LAMA3: variants seen among roughly 807,000 people sequenced by gnomAD.
The protein encoded by LAMA3 is laminin subunit alpha-3.
Under a neutral mutation model 402.0 loss-of-function variants are expected in LAMA3, and 281 were observed. The observed-to-expected ratio is 0.70, with a 90% CI of 0.63 to 0.77. The LOEUF (loss-of-function observed/expected upper bound fraction) is 0.77, where lower values mean the gene tolerates loss of function less well. Among genes scored for constraint, LAMA3 ranks in the 30% least tolerant of loss-of-function variants. LAMA3 has a pLI of 0.00. For missense variants in LAMA3, 3,840 were observed against 4,215.5 expected, an observed-to-expected ratio of 0.91 and a Z score of 2.47; for synonymous variants, 1,431 against 1,558.4, an observed-to-expected ratio of 0.92 and a Z score of 1.93.
chr18:23,899,219 T>C, intron 46 of LAMA3, 69 bp from the exon 47 acceptor site: 1 of 1,214,754 alleles, frequency 8.2e-7, no homozygotes, highest in Non-Finnish European at 1.2e-6. Flanking sequence ...GTTTCTACCT[T>C]TTTTTTTTTT....
intron 19 of LAMA3, among the ~76,000 whole-genome samples, chr18:23,820,217 G>A (rs546933427): frequency 6.6e-6 from 1 of 152,268 alleles, no homozygotes; most frequent in Non-Finnish European, 1.5e-5. Flanking sequence ...ATAGTTCATT[G>A]TTACTTTAAT....
At chr18:23,809,059 T>C (rs905423653) in intron 12 of LAMA3, among the ~76,000 whole-genome samples, 1 of 152,158 alleles carries the variant, frequency 6.6e-6, no homozygotes, top group African/African-American at 2.4e-5. Context: ...TGTGGGAAAG[T>C]GTAAAGAGCA....
At chr18:23,806,149 C>T (rs2062957929) in intron 12 of LAMA3, among the ~76,000 whole-genome samples, 1 of 152,152 alleles carries the variant, frequency 6.6e-6, no homozygotes, top group African/African-American at 2.4e-5. Context: ...TTATGGTAAC[C>T]ACACCCGCCT....
intron 2 of LAMA3, among the ~76,000 whole-genome samples, chr18:23,738,307 A>G (rs1437373253): frequency 6.6e-6 from 1 of 151,896 alleles, no homozygotes; most frequent in Non-Finnish European, 1.5e-5. Flanking sequence ...AAGGCAGGGA[A>G]GTGCAATCTA....
chr18:23,708,714 CT>C (rs1470515749), intron 1 of LAMA3, among the ~76,000 whole-genome samples: 1 of 152,020 alleles, frequency 6.6e-6, no homozygotes, highest in Non-Finnish European at 1.5e-5. Flanking sequence ...CTAAAATTCT[CT>C]TTAGCAGATA....
intron 36 of LAMA3, among the ~76,000 whole-genome samples, chr18:23,865,448 T>A (rs559439339): frequency 1.2e-4 from 18 of 152,218 alleles, no homozygotes; most frequent in Non-Finnish European, 2.2e-4. Flanking sequence ...ATATTAAGCA[T>A]TTTTTATGTT....
rs1324819685 is a variant in LAMA3, at chr18:23,879,752, C to T, written c.5113-2184C>T. 6.6e-6 allele frequency among the ~76,000 whole-genome samples: 1 copy of T among 152,214 alleles called. No individual in the cohort carries two copies. The highest frequency in any genetic ancestry group is 1.5e-5 in the Non-Finnish European group (1 of 68,030). Reference sequence around the variant, plus strand: ...GGACAGTTTCCAGGGTGGCCACTCTCAACTGACAGTGAAGGGTTTCTCACA... The same window carrying T: ...GGACAGTTTCCAGGGTGGCCACTCTTAACTGACAGTGAAGGGTTTCTCACA... On this transcript the variant is annotated intron_variant, in intron 39 of 74. Transcript: ENST00000313654. This position sits in a 1 kb window ranked among gnomAD's most constrained non-coding sequence, Gnocchi z 4.2.
chr18:23,750,890 C>T (rs764419372), intron 4 of LAMA3, 28 bp from the exon 5 acceptor site: 2 of 1,613,340 alleles, frequency 1.2e-6, no homozygotes, highest in African/African-American at 1.3e-5. Flanking sequence ...GAACTTTTTC[C>T]CCCTTTATGT....
intron 2 of LAMA3, among the ~76,000 whole-genome samples, chr18:23,722,890 A>G (rs969889625): frequency 6.6e-6 from 1 of 152,122 alleles, no homozygotes; most frequent in Non-Finnish European, 1.5e-5. Flanking sequence ...ACTTCCCAGG[A>G]TTAAGGCCAT....
chr18:23,903,096 G>T lies in LAMA3; in HGVS notation c.6289G>T (p.Ala2097Ser). ...CTCATCTTTGTTGCAAACCAACATT[G>T]CGCTGCAGCTGATGGAGAAAAGCCA... ...ADSSLLQTNI[A>S]LQLMEKSQKE... Residue 2097 changes from alanine (A) to serine (S), a missense_variant, in exon 49 of 75, where the codon GCG becomes TCG. Around this residue, in one of 3 missense-constraint regions of LAMA3, gnomAD observed 891 missense variants for 857.5 expected, o/e 1.04. Transcript: ENST00000313654. 1 of 1,611,430 alleles carries T rather than the reference G, an allele frequency of 6.2e-7. No individual in the cohort carries two copies. Among genetic ancestry groups the T allele is most frequent in the Non-Finnish European group, 8.5e-7 (1 of 1,177,666 alleles).
intron 1 of LAMA3, among the ~76,000 whole-genome samples, chr18:23,712,147 G>A (rs1050494873): frequency 2.6e-5 from 4 of 152,110 alleles, no homozygotes; most frequent in South Asian, 4.1e-4. Context: ...TTGGGAGGCC[G>A]AGGCAGGCGG....
At chr18:23,868,055 G>A in intron 37 of LAMA3, 138 bp downstream of exon 37, 2 of 745,702 alleles carry the variant, frequency 2.7e-6, no homozygotes, top group Non-Finnish European at 4.4e-6. Flanking sequence ...TACAGGTTGA[G>A]CATCCTTAAT....
intron 35 of LAMA3, among the ~76,000 whole-genome samples, 196 bp downstream of exon 35, chr18:23,862,003 C>T (rs2064236094): frequency 6.6e-6 from 1 of 152,212 alleles, no homozygotes; most frequent in South Asian, 2.1e-4. Context: ...CTGCGCCCCA[C>T]CATTGCCATG....
intron 2 of LAMA3, among the ~76,000 whole-genome samples, chr18:23,721,475 G>A (rs1242885501): frequency 1.3e-5 from 2 of 152,186 alleles, no homozygotes; most frequent in African/African-American, 4.8e-5. Context: ...GGAGGTTTGT[G>A]TGGGCAAGAC....
intron 31 of LAMA3, among the ~76,000 whole-genome samples, chr18:23,847,179 A>T (rs905501656): frequency 1.3e-5 from 2 of 152,138 alleles, no homozygotes; most frequent in African/African-American, 4.8e-5. Context: ...AATTTCCAGA[A>T]TCCTTCAATG....
intron 32 of LAMA3, among the ~76,000 whole-genome samples, chr18:23,853,434 C>T (rs1204884049): frequency 3.3e-5 from 5 of 152,094 alleles, no homozygotes; most frequent in South Asian, 2.1e-4. Context: ...CCACCACACC[C>T]GGCTAATTTT....
At chr18:23,777,469 G>A (rs2062346883) in intron 10 of LAMA3, 88 bp from the exon 11 acceptor site, 3 of 881,976 alleles carry the variant, frequency 3.4e-6, no homozygotes, top group Non-Finnish European at 5.8e-6. Context: ...AAGTGACAGA[G>A]GGTGTCTTCC....
At chr18:23,949,645 G>A in intron 70 of LAMA3, 120 bp from the exon 71 acceptor site, 1 of 961,000 alleles carries the variant, frequency 1.0e-6, no homozygotes, top group Non-Finnish European at 1.7e-6. Context: ...GAAGCGGGAA[G>A]AATGAATCCC....
At chr18:23,790,976 C>T (rs1052322589) in intron 12 of LAMA3, among the ~76,000 whole-genome samples, 5 of 151,964 alleles carry the variant, frequency 3.3e-5, no homozygotes, top group African/African-American at 1.2e-4. Flanking sequence ...GCAAGCTCCG[C>T]CTCCTGGGTT....
Sources: allele counts gnomAD v4.1 joint callset (sites outside exome capture counted in the v4.1 genomes callset), GRCh38; gene constraint gnomAD v4.1.1; regional missense constraint gnomAD v4.1.1; non-coding constraint Gnocchi (gnomAD v3.1); transcripts MANE v1.5; gene names NCBI Gene and HGNC (gene_info 2026-07-23, HGNC 2026-07-21).